UGGT1: variants seen among roughly 807,000 people sequenced by gnomAD.
UGGT1 encodes the protein UDP-glucose:glycoprotein glucosyltransferase 1.
Under a neutral mutation model 203.9 loss-of-function variants are expected in UGGT1, and 107 were observed. That is an observed-to-expected ratio of 0.52 (90% CI 0.45 to 0.62). The LOEUF (loss-of-function observed/expected upper bound fraction) is 0.62. UGGT1 is among the 20% of genes least tolerant of loss of function. The pLI is 0.00. For missense variants in UGGT1, 1,673 were observed against 1,867.2 expected, an observed-to-expected ratio of 0.90 and a Z score of 1.92; for synonymous variants, 628 against 653.5, an observed-to-expected ratio of 0.96 and a Z score of 0.59.
chr2:128,167,216 C>A (rs1283764033), intron 26 of UGGT1, among the ~76,000 whole-genome samples: 4 of 152,162 alleles, frequency 2.6e-5, no homozygotes, highest in African/African-American at 9.7e-5. Context: ...GTAGCGAGTC[C>A]TGAGCAAAGA....
chr2:128,112,333 A>G (rs914275512), intron 5 of UGGT1, among the ~76,000 whole-genome samples: 3 of 148,500 alleles, frequency 2.0e-5, no homozygotes, highest in African/African-American at 4.9e-5. Context: ...AGGCAGGAGA[A>G]TCACTTGAAC....
Position 128,151,144 on chromosome 2 carries a change from C to T in UGGT1, c.2017-1640C>T, listed in dbSNP as rs550291212. ...GGGATTATAGGCATGAGCCATTGCA[C>T]CCGGCCCAGATTTCTTAATTTCACC... On this transcript the variant is annotated intron_variant, in intron 18 of 40. Coordinates refer to ENST00000259253, the MANE Select transcript of UGGT1 (RefSeq NM_020120.4). 159 of 428,186 alleles carry T rather than the reference C, an allele frequency of 3.7e-4. 1 individual carries two copies. Among genetic ancestry groups the T allele is most frequent in the South Asian group, 3.0e-3 (155 of 51,776 alleles). The allele number at this position is 428,186 out of a possible 1,614,324, so 26.5% of individuals were successfully genotyped here.
intron 18 of UGGT1, among the ~76,000 whole-genome samples, chr2:128,149,364 G>A (rs1004054929): frequency 1.3e-5 from 2 of 149,772 alleles, no homozygotes; most frequent in African/African-American, 4.9e-5. Context: ...TAAAAAATAG[G>A]CCGGGCGCGA....
intron 5 of UGGT1, among the ~76,000 whole-genome samples, chr2:128,110,603 T>G (rs1687803333): frequency 6.6e-6 from 1 of 152,318 alleles, no homozygotes; most frequent in East Asian, 1.9e-4. Context: ...AACTTTAATT[T>G]GCTACAACAA....
intron 8 of UGGT1, among the ~76,000 whole-genome samples, chr2:128,119,049 T>A (rs1347500082): frequency 6.6e-6 from 1 of 152,158 alleles, no homozygotes; most frequent in East Asian, 1.9e-4. Flanking sequence ...AGTGTCAGAT[T>A]TCAATTTTGG....
Position 128,145,517 on chromosome 2 carries a change from CACACACATACACAA to C in UGGT1, c.1852-279_1852-266del, listed in dbSNP as rs1414158901. On this transcript the variant is annotated intron_variant, in intron 17 of 40. Transcript: ENST00000259253. ...ACACACACAAACACACACACACACACACACACATACACAAACACACGTACACACACACGCACTTC... is the reference window on the plus strand; with the variant it reads ...ACACACACAAACACACACACACACACACACACGTACACACACACGCACTTC... 15 of 211,366 alleles carry C rather than the reference CACACACATACACAA, an allele frequency of 7.1e-5. No individual in the cohort carries two copies. In the Admixed American group the frequency reaches 9.4e-4, roughly 13 times the overall value. 13.1% of individuals were successfully genotyped at this position (211,366 alleles called of 1,614,324 possible). A position where few individuals can be genotyped will look rare whatever the true frequency, so the allele number is the denominator to read the frequency against.
intron 11 of UGGT1, among the ~76,000 whole-genome samples, chr2:128,126,659 T>C (rs1456117155): frequency 6.6e-6 from 1 of 150,672 alleles, no homozygotes; most frequent in Non-Finnish European, 1.5e-5. Context: ...GAAATAGATA[T>C]GCTATTCACC....
chr2:128,129,001 A>T, intron 12 of UGGT1, 28 bp from the exon 13 acceptor site: 1 of 1,502,792 alleles, frequency 6.7e-7, no homozygotes. Flanking sequence ...TTTTCCTAGT[A>T]AATATCTCTT....
At chr2:128,138,409 GGAGGCT>G (rs1453517339) in intron 15 of UGGT1, among the ~76,000 whole-genome samples, 2 of 152,076 alleles carry the variant, frequency 1.3e-5, no homozygotes, top group Non-Finnish European at 2.9e-5. Flanking sequence ...CAGCTACTTG[GGAGGCT>G]GAGGCAGGAG....
At chr2:128,148,713 T>C (rs943190605) in intron 18 of UGGT1, among the ~76,000 whole-genome samples, 2 of 152,216 alleles carry the variant, frequency 1.3e-5, no homozygotes, top group Non-Finnish European at 2.9e-5. Context: ...AAGAAGTTTG[T>C]CAGAGCTTTT....
In UGGT1 at chr2:128,170,186, A is replaced by C. The variant is rs1691020844; in HGVS notation, c.2922-102A>C. On this transcript the variant is annotated intron_variant, in intron 26 of 40. Transcript: ENST00000259253. ...TCATAGTCTAGTCTTTCTAGATCTA[A>C]AGTTCTTTGAAATGCTAAGAAGGTT... 18 of 891,350 alleles carry C rather than the reference A, an allele frequency of 2.0e-5. 1 individual carries two copies. The South Asian group carries it at 2.8e-4, about 14-fold the overall frequency. The allele number at this position is 891,350 out of a possible 1,614,324, so 55.2% of individuals were successfully genotyped here.
intron 18 of UGGT1, chr2:128,151,439 T>G (rs1689968239): frequency 5.6e-6 from 2 of 354,062 alleles, no homozygotes; most frequent in Non-Finnish European, 1.1e-5. Flanking sequence ...TCAAGTAGAT[T>G]TATAATATTG....
At chr2:128,174,646 A>G (rs1691284455) in intron 30 of UGGT1, 127 bp from the exon 31 acceptor site, 2 of 853,486 alleles carry the variant, frequency 2.3e-6, no homozygotes, top group Non-Finnish European at 3.7e-6. Context: ...TAAGAGTTGC[A>G]TTGATTTGTT....
At chr2:128,134,277 C>T (rs1306095014) in intron 14 of UGGT1, among the ~76,000 whole-genome samples, 1 of 152,172 alleles carries the variant, frequency 6.6e-6, no homozygotes, top group East Asian at 1.9e-4. Flanking sequence ...CTCAGGTGAT[C>T]CACCTGCCTT....
At chr2:128,167,499 G>A (rs1280408534) in intron 26 of UGGT1, among the ~76,000 whole-genome samples, 1 of 152,152 alleles carries the variant, frequency 6.6e-6, no homozygotes, top group Non-Finnish European at 1.5e-5. Flanking sequence ...TTGTCTGGGA[G>A]CCTGTTGGAA....
chr2:128,117,549 T>TTC (rs1307820677), intron 8 of UGGT1, among the ~76,000 whole-genome samples: 1 of 148,752 alleles, frequency 6.7e-6, no homozygotes, highest in Non-Finnish European at 1.5e-5. Context: ...TGTTATTCTT[T>TTC]TTTTTTTTTT....
intron 8 of UGGT1, among the ~76,000 whole-genome samples, chr2:128,117,582 T>C (rs1001854440): frequency 2.0e-5 from 3 of 149,064 alleles, no homozygotes; most frequent in Non-Finnish European, 4.5e-5. Flanking sequence ...CTTGCTCTGT[T>C]GCCTAGGCTG....
intron 19 of UGGT1, 104 bp from the exon 20 acceptor site, chr2:128,155,385 G>T (rs141928381): frequency 1.2e-6 from 1 of 819,952 alleles, no homozygotes; most frequent in Non-Finnish European, 1.9e-6. Flanking sequence ...CTTCACTCAC[G>T]CATTTCTATA....
Position 128,138,857 on chromosome 2 carries a change from G to T in UGGT1, c.1719+5G>T. ...GCCTTCCAGACTCTGACACATGTAC[G>T]TTTTTGTTCAGAATGGCAAATAATT... On this transcript the variant is annotated splice_donor_5th_base_variant and intron_variant, in intron 16 of 40. Coordinates refer to ENST00000259253, the MANE Select transcript of UGGT1 (RefSeq NM_020120.4). 1 of 1,610,962 alleles carries T rather than the reference G, an allele frequency of 6.2e-7. No individual in the cohort carries two copies.
Sources: allele counts gnomAD v4.1 joint callset (sites outside exome capture counted in the v4.1 genomes callset), GRCh38; gene constraint gnomAD v4.1.1; transcripts MANE v1.5; gene names NCBI Gene and HGNC (gene_info 2026-07-23, HGNC 2026-07-21).